DOK5: variants seen among roughly 807,000 people sequenced by gnomAD.
DOK5 encodes the protein downstream of tyrosine kinase 5.
DOK5 carries 27 observed loss-of-function variants against 43.3 expected under a neutral mutation model. That is an observed-to-expected ratio of 0.62 (90% CI 0.46 to 0.86). DOK5 has a LOEUF of 0.86. Ranked by LOEUF, DOK5 falls within the 40% of genes least tolerant of loss-of-function variation. The probability of loss-of-function intolerance (pLI) is 0.00; values close to 1 mark genes in which losing one functional copy is unlikely to be tolerated. For missense variants in DOK5, 373 were observed against 392.9 expected (o/e 0.95, Z 0.43); for synonymous variants, 146 against 140.1 (o/e 1.04, Z -0.30).
At chr20:54,553,437 C>T (rs763425356) in intron 1 of DOK5, among the ~76,000 whole-genome samples, 6 of 151,808 alleles carry the variant, frequency 4.0e-5, no homozygotes, top group Non-Finnish European at 5.9e-5. Flanking sequence ...CCTTGTGATC[C>T]GCCGGCCTCG....
At chr20:54,610,658 G>A in intron 6 of DOK5, 135 bp downstream of exon 6, 5 of 1,046,564 alleles carry the variant, frequency 4.8e-6, no homozygotes, top group Non-Finnish European at 6.2e-6. Context: ...TGTATCACTT[G>A]GATTAAATGG....
intron 1 of DOK5, among the ~76,000 whole-genome samples, chr20:54,545,213 A>G (rs769981354): frequency 4.6e-5 from 7 of 152,204 alleles, no homozygotes; most frequent in Non-Finnish European, 1.0e-4. Context: ...TTTCACTCTT[A>G]TATTGCAGAA....
intron 4 of DOK5, among the ~76,000 whole-genome samples, chr20:54,589,129 G>A (rs1354880081): frequency 6.6e-6 from 1 of 152,156 alleles, no homozygotes; most frequent in Non-Finnish European, 1.5e-5. Context: ...TATGGTGTAG[G>A]TATAATTACT....
chr20:54,571,767 C>T (rs1600709514), intron 2 of DOK5, among the ~76,000 whole-genome samples: 1 of 152,280 alleles, frequency 6.6e-6, no homozygotes, highest in Non-Finnish European at 1.5e-5. Flanking sequence ...ATGATTCACC[C>T]TAAACTCCTG....
At chr20:54,639,384 C>T (rs576941816) in intron 6 of DOK5, among the ~76,000 whole-genome samples, 5 of 152,358 alleles carry the variant, frequency 3.3e-5, no homozygotes, top group Middle Eastern at 3.4e-3. Flanking sequence ...AACCCCAAAT[C>T]AACCTCCAGT....
At chr20:54,566,672 AGTG>A (rs1490902226) in intron 2 of DOK5, among the ~76,000 whole-genome samples, 1 of 152,172 alleles carries the variant, frequency 6.6e-6, no homozygotes, top group African/African-American at 2.4e-5. Context: ...GCTGGAGTGC[AGTG>A]GTATGATTAG....
chr20:54,495,068 A>C (rs1051206616), intron 1 of DOK5: 2 of 151,942 alleles, frequency 1.3e-5, no homozygotes, highest in Non-Finnish European at 2.9e-5. Flanking sequence ...TTGGTAGATC[A>C]TATTTTATTT....
intron 3 of DOK5, 37 bp from the exon 4 acceptor site, chr20:54,588,650 C>T (rs2146766882): frequency 1.2e-6 from 2 of 1,613,972 alleles, no homozygotes; most frequent in Admixed American, 1.7e-5. Context: ...TGAATGGATG[C>T]TGGGCACACA....
At chr20:54,604,505 G>C (rs1986403387) in intron 5 of DOK5, among the ~76,000 whole-genome samples, 1 of 151,900 alleles carries the variant, frequency 6.6e-6, no homozygotes, top group Non-Finnish European at 1.5e-5. Flanking sequence ...TGCATATGTA[G>C]ATCTTGTCTC....
chr20:54,596,704 C>A (rs1276192446), intron 5 of DOK5, among the ~76,000 whole-genome samples: 2 of 152,152 alleles, frequency 1.3e-5, no homozygotes, highest in African/African-American at 4.8e-5. Flanking sequence ...TGTAAAGACA[C>A]CTGGAATAGT....
intron 1 of DOK5, among the ~76,000 whole-genome samples, chr20:54,479,595 A>G (rs1005006039): frequency 2.0e-5 from 3 of 152,170 alleles, no homozygotes; most frequent in African/African-American, 7.2e-5. Flanking sequence ...TGGCTTGCCC[A>G]CAGTGCAAGT....
At chr20:54,535,365 A>T (rs1983926896) in intron 1 of DOK5, among the ~76,000 whole-genome samples, 1 of 151,850 alleles carries the variant, frequency 6.6e-6, no homozygotes, top group South Asian at 2.1e-4. Flanking sequence ...TGACATTCTA[A>T]TTTTCTATAC....
chr20:54,613,242 A>ACC (rs1419531110), intron 6 of DOK5, among the ~76,000 whole-genome samples: 5 of 146,712 alleles, frequency 3.4e-5, no homozygotes, highest in African/African-American at 1.3e-4. Context: ...CTCTCTCGCC[A>ACC]TCTCTCTCTC....
intron 1 of DOK5, among the ~76,000 whole-genome samples, chr20:54,554,676 C>T (rs1984650867): frequency 6.6e-6 from 1 of 152,124 alleles, no homozygotes; most frequent in Non-Finnish European, 1.5e-5. Flanking sequence ...CTGAAATATA[C>T]CTAGTGATAT....
At chr20:54,562,463 G>T (rs974496528) in intron 2 of DOK5, among the ~76,000 whole-genome samples, 1 of 152,000 alleles carries the variant, frequency 6.6e-6, no homozygotes, top group Non-Finnish European at 1.5e-5. Flanking sequence ...TTGCCATCCA[G>T]GCTAGAGTGC....
chr20:54,638,099 G>A (rs1044576350), intron 6 of DOK5, among the ~76,000 whole-genome samples: 2 of 144,696 alleles, frequency 1.4e-5, no homozygotes, highest in African/African-American at 2.6e-5. Flanking sequence ...TCCAGCCTGG[G>A]TGACAGAGCG....
rs533537351 is a variant in DOK5 at position 54,483,054 on chromosome 20, T to C, written c.66+7042T>C. ...CATGGTTTCCATGTCAGAAGGGCTT[T>C]CCAGCTGGTATTTCAGTCGTCTTCA... On this transcript the variant is annotated intron_variant, in intron 1 of 7. Coordinates refer to ENST00000262593, the MANE Select transcript of DOK5 (RefSeq NM_018431.5). 2.6e-5 allele frequency among the ~76,000 whole-genome samples: 4 copies of C among 152,330 alleles called. No homozygotes were observed. The South Asian group carries it at 8.3e-4, about 32-fold the overall frequency.
chr20:54,545,256 G>C (rs531414947), intron 1 of DOK5, among the ~76,000 whole-genome samples: 88 of 152,344 alleles, frequency 5.8e-4, no homozygotes, highest in African/African-American at 1.9e-3. Context: ...AGATAGGATG[G>C]AGGGGCATTA....
chr20:54,594,617 T>G (rs1471317726), intron 5 of DOK5, among the ~76,000 whole-genome samples: 1 of 152,246 alleles, frequency 6.6e-6, no homozygotes, highest in Non-Finnish European at 1.5e-5. Flanking sequence ...AATTCTGCAT[T>G]GATCAAGACT....
Sources: gnomAD v4.1 joint callset for allele counts (sites outside exome capture counted in the v4.1 genomes callset) on GRCh38, gnomAD v4.1.1 for gene constraint, MANE v1.5 for transcripts, NCBI Gene and HGNC (gene_info 2026-07-23, HGNC 2026-07-21) for gene names.